The following FAM234A variants were observed in gnomAD, a reference collection of about 807,000 sequenced individuals.
The protein encoded by FAM234A is protein FAM234A.
Under a neutral mutation model 49.1 loss-of-function variants are expected in FAM234A, and 42 were observed. The observed-to-expected ratio is 0.86, with a 90% CI of 0.67 to 1.11. FAM234A has a LOEUF of 1.11. Among genes scored for constraint, FAM234A ranks in the 50% least tolerant of loss-of-function variants. The pLI is 0.00. For synonymous variants in FAM234A, 369 were observed against 316.2 expected (o/e 1.17, Z -1.77); for missense variants, 815 against 745.2 (o/e 1.09, Z -1.09).
chr16:258,871 CT>C (rs2051345357), intron 3 of FAM234A, among the ~76,000 whole-genome samples: 1 of 152,206 alleles, frequency 6.6e-6, no homozygotes, highest in Non-Finnish European at 1.5e-5. Flanking sequence ...CAACCTCTGC[CT>C]CCTGGGTTCA....
chr16:250,239 A>G (rs1244000295), intron 2 of FAM234A, among the ~76,000 whole-genome samples: 2 of 152,160 alleles, frequency 1.3e-5, no homozygotes, highest in Admixed American at 6.5e-5. Context: ...CCAGGAATCT[A>G]TGTTTTAAAC....
chr16:251,420 G>GCT (rs1289821636), intron 2 of FAM234A, among the ~76,000 whole-genome samples: 14 of 152,090 alleles, frequency 9.2e-5, no homozygotes, highest in Middle Eastern at 6.8e-3. Context: ...TGTCACCCAG[G>GCT]TGGCAGTGCA....
chr16:243,914 G>C (rs2050701676), intron 1 of FAM234A, among the ~76,000 whole-genome samples: 1 of 152,130 alleles, frequency 6.6e-6, no homozygotes, highest in South Asian at 2.1e-4. Context: ...AGTATTTGGG[G>C]AGTATTGTTA....
In FAM234A at chr16:246,304, G is replaced by A. The variant is rs572124682; in HGVS notation, c.-139-3245G>A. Among the ~76,000 whole-genome samples, 24 of 143,036 alleles carry A rather than the reference G, an allele frequency of 1.7e-4. No individual in the cohort carries two copies. The East Asian group carries it at 4.5e-3, about 27-fold the overall frequency. 93.8% of individuals were successfully genotyped at this position (143,036 alleles called of 152,430 possible). ...GTGGATTTTTTTTTTTTTTTGTGAC[G>A]AGGTCTCACTCTCACCCAGGCTGGA... On this transcript the variant is annotated intron_variant, in intron 1 of 12. Transcript: ENST00000399932.
chr16:263,044 T>A (rs974216969), intron 8 of FAM234A, among the ~76,000 whole-genome samples: 1 of 152,132 alleles, frequency 6.6e-6, no homozygotes, highest in African/African-American at 2.4e-5. Context: ...GGTCTCGAAC[T>A]TCTGACCTCG....
chr16:259,521 G>A lies in FAM234A; in HGVS notation c.307G>A (p.Asp103Asn). The A allele has an allele frequency of 6.2e-7, 1 of 1,612,390 alleles. No homozygotes were observed. Among genetic ancestry groups the A allele is most frequent in the Non-Finnish European group, 8.5e-7 (1 of 1,178,458 alleles). Residue 103 changes from aspartate to asparagine, a missense_variant, in exon 4 of 13, where the codon GAC becomes AAC. Coordinates refer to ENST00000399932, the MANE Select transcript of FAM234A (RefSeq NM_032039.4). ...TCTGGCTGTGGATGATATAAACGGG[G>A]ACAGGATCCAAGATGTTCTTTTTCT... is the stretch of plus-strand genomic sequence containing the variant. ...DFLAVDDINGDRIQDVLFLYK... is the reference protein window; with the variant it reads ...DFLAVDDINGNRIQDVLFLYK...
chr16:260,415 G>T, intron 5 of FAM234A: 1 of 557,178 alleles, frequency 1.8e-6, no homozygotes, highest in South Asian at 1.9e-5. Flanking sequence ...ACACACAGGG[G>T]CAGTCCGATG....
intron 8 of FAM234A, among the ~76,000 whole-genome samples, chr16:263,053 C>T (rs2051539369): frequency 6.6e-6 from 1 of 152,000 alleles, no homozygotes; most frequent in South Asian, 2.1e-4. Context: ...CTTCTGACCT[C>T]GTGATCCGCC....
intron 6 of FAM234A, 102 bp downstream of exon 6, chr16:261,616 C>T: frequency 7.1e-7 from 1 of 1,402,220 alleles, no homozygotes; most frequent in South Asian, 1.3e-5. Flanking sequence ...GGATTCGGGT[C>T]TGACCACTTG....
chr16:268,831 A>G (rs1006446419), downstream of FAM234A: 2 of 1,550,286 alleles, frequency 1.3e-6, no homozygotes, highest in Non-Finnish European at 1.7e-6. Context: ...TCGCGCCGAG[A>G]CCTGCATGTC....
chr16:269,772 G>A (rs572598383), downstream of FAM234A: 22 of 572,210 alleles, frequency 3.8e-5, no homozygotes, highest in Non-Finnish European at 4.6e-5. Flanking sequence ...CTGGGCTCCC[G>A]TCTGCCTGGG....
At chr16:256,089 A>G (rs1204363109) in intron 3 of FAM234A, among the ~76,000 whole-genome samples, 1 of 152,218 alleles carries the variant, frequency 6.6e-6, no homozygotes, top group East Asian at 1.9e-4. Flanking sequence ...GTTGCTGAGC[A>G]GTGCTCCTGG....
At chr16:259,847 C>A in intron 4 of FAM234A, 122 bp from the exon 5 acceptor site, 2 of 890,106 alleles carry the variant, frequency 2.2e-6, no homozygotes, top group Non-Finnish European at 1.7e-6. Context: ...ATCCACCTGG[C>A]GGGAGGGGCT....
intron 2 of FAM234A, among the ~76,000 whole-genome samples, chr16:250,576 A>C (rs954686514): frequency 9.9e-5 from 15 of 152,184 alleles, no homozygotes. Context: ...AGGAGAATGC[A>C]CACATTTTTT....
rs142476478 is a variant in FAM234A, at chr16:252,627, C to T, written c.-33-1754C>T. 2.7e-3 allele frequency among the ~76,000 whole-genome samples: 407 copies of T among 152,312 alleles called. 2 individuals are homozygous for T. The highest frequency in any genetic ancestry group is 4.8e-3 in the Admixed American group (74 of 15,300). The stretch of plus-strand genomic sequence containing the variant: ...ATTTTACAGTCCCACCAGCAACGTA[C>T]GATGTTCTGATTTCTCCACATCCTC... On this transcript the variant is annotated intron_variant, in intron 2 of 12. Transcript: ENST00000399932.
At chr16:268,575 C>T (rs560786251), downstream of FAM234A, 5 of 607,776 alleles carry the variant, frequency 8.2e-6, no homozygotes, top group East Asian at 2.8e-5. Context: ...CCTATGGAAT[C>T]GGGCCTCGTC....
At chr16:254,852 T>A (rs907713147) in intron 3 of FAM234A, among the ~76,000 whole-genome samples, 171 bp downstream of exon 3, 5 of 152,228 alleles carry the variant, frequency 3.3e-5, no homozygotes, top group African/African-American at 1.2e-4. Context: ...TAGGGAGCGA[T>A]AGACCAGCCT....
intron 1 of FAM234A, among the ~76,000 whole-genome samples, chr16:235,787 G>A (rs2050378276): frequency 6.6e-6 from 1 of 152,182 alleles, no homozygotes; most frequent in African/African-American, 2.4e-5. Flanking sequence ...AGTACTCCAC[G>A]AAAGAACTTC....
intron 1 of FAM234A, among the ~76,000 whole-genome samples, chr16:243,412 C>T (rs1297651208): frequency 6.6e-6 from 1 of 152,216 alleles, no homozygotes; most frequent in East Asian, 1.9e-4. Flanking sequence ...GCTCAAGTCT[C>T]TCTGACCTGG....
Sources: allele counts gnomAD v4.1 joint callset (sites outside exome capture counted in the v4.1 genomes callset), GRCh38; gene constraint gnomAD v4.1.1; transcripts MANE v1.5; gene names NCBI Gene and HGNC (gene_info 2026-07-23, HGNC 2026-07-21).